UBR4: variants seen among roughly 807,000 people sequenced by gnomAD.
UBR4 encodes the protein E3 ubiquitin-protein ligase UBR4.
UBR4 carries 124 observed loss-of-function variants against 575.6 expected under a neutral mutation model. The observed-to-expected ratio is 0.22, with a 90% CI of 0.19 to 0.25. The LOEUF (loss-of-function observed/expected upper bound fraction) is 0.25, where lower values mean the gene tolerates loss of function less well. Among genes scored for constraint, UBR4 ranks in the 10% least tolerant of loss-of-function variants. The pLI, the probability that UBR4 is intolerant of heterozygous loss-of-function variation, is 1.00. For synonymous variants in UBR4, 2,455 were observed against 2,473.7 expected, an observed-to-expected ratio of 0.99 and a Z score of 0.22; for missense variants, 4,818 against 6,478.8, an observed-to-expected ratio of 0.74 and a Z score of 8.80.
chr1:19,151,629 G>A lies in UBR4; in HGVS notation c.7213+14C>T, dbSNP rs2085736089. 2 of 1,613,736 alleles carry A rather than the reference G, an allele frequency of 1.2e-6. No individual in the cohort carries two copies. Among genetic ancestry groups the A allele is most frequent in the Non-Finnish European group, 1.7e-6 (2 of 1,179,620 alleles). On this transcript the variant is annotated intron_variant, in intron 48 of 105. Coordinates refer to ENST00000375254, the MANE Select transcript of UBR4 (RefSeq NM_020765.3). ...CAATGAGGACAGAGTCTGCACCAGG[G>A]GTTGGTGACTCACTGAAGAGGTTCA...
chr1:19,102,353 A>G (rs796186785), intron 87 of UBR4, among the ~76,000 whole-genome samples: 33 of 152,192 alleles, frequency 2.2e-4, no homozygotes, highest in African/African-American at 7.9e-4. Flanking sequence ...TGACAGAGTG[A>G]AACTTCGGGA....
chr1:19,119,100 T>A (rs1008036496), intron 70 of UBR4, 143 bp from the exon 71 acceptor site: 70 of 697,760 alleles, frequency 1.0e-4, no homozygotes, highest in Non-Finnish European at 1.6e-4. Context: ...CTGGGCCTAA[T>A]TTCAATCATT....
rs758929243 is a variant in UBR4, at chr1:19,165,687, G to C, written c.4180C>G (p.Arg1394Gly). The change falls in exon 30 of 106, where the codon CGT (arginine) becomes GGT (glycine). Residue 1394 changes from arginine (R) to glycine (G), a missense_variant. This residue lies in a region of UBR4 where 1,172 missense variants were observed against 1,259.7 expected (regional missense o/e 0.93). Transcript: ENST00000375254. Reference protein sequence around the residue: ...LEKQLESSQARKAMEEFFSDS... With the variant: ...LEKQLESSQAGKAMEEFFSDS... ...GAGAAAAACTCCTCCATAGCTTTACGAGCCTGGCTACTTTCCAGCTGCTTT... is the reference window on the plus strand; with the variant it reads ...GAGAAAAACTCCTCCATAGCTTTACCAGCCTGGCTACTTTCCAGCTGCTTT... 6.2e-7 allele frequency: 1 copy of C among 1,614,074 alleles called. No individual in the cohort carries two copies. Among genetic ancestry groups the C allele is most frequent in the South Asian group, 1.1e-5 (1 of 91,080 alleles).
rs926479943 is a variant in UBR4, at chr1:19,161,119, C to T, written c.5204G>A (p.Gly1735Asp). The T allele has an allele frequency of 6.2e-7, 1 of 1,613,944 alleles. No individual in the cohort carries two copies. The highest frequency in any genetic ancestry group is 1.7e-5 in the Admixed American group (1 of 60,002). The change falls in exon 38 of 106, where the codon GGC becomes GAC. Residue 1735 changes from glycine to aspartate, a missense_variant. Physicochemically the swap from Gly to Asp is moderately conservative, Grantham distance 94 (BLOSUM62 -1). Coordinates refer to ENST00000375254, the MANE Select transcript of UBR4 (RefSeq NM_020765.3). Reference protein sequence around the residue: ...LALVKRTPSSGMSSTMKESAF... With the variant: ...LALVKRTPSSDMSSTMKESAF... ...CGACTCCTTCATGGTAGAGCTCATG[C>T]CACTGCTAGGAGTTCTCTTCACCAG...
chr1:19,114,090 G>A lies in UBR4; in HGVS notation c.11203-20C>T. 1 of 1,603,490 alleles carries A rather than the reference G, an allele frequency of 6.2e-7. No homozygotes were observed. Among genetic ancestry groups the A allele is most frequent in the Non-Finnish European group, 8.5e-7 (1 of 1,171,420 alleles). ...TACAGCCTAGACAGGAAAAGACAGG[G>A]ACTGAGTGAAGGCTTTTTGGCTGAT... On this transcript the variant is annotated intron_variant, in intron 75 of 105. Transcript: ENST00000375254.
chr1:19,130,807 C>A (rs941512553), intron 60 of UBR4, among the ~76,000 whole-genome samples: 1 of 152,198 alleles, frequency 6.6e-6, no homozygotes, highest in Non-Finnish European at 1.5e-5. Context: ...GGAGAACATA[C>A]AAGTGAATAC....
In UBR4 at chr1:19,179,127, G is replaced by A; in HGVS notation, c.2278C>T (p.Leu760Phe). The A allele has an allele frequency of 6.2e-7, 1 of 1,613,982 alleles. No homozygotes were observed. Among genetic ancestry groups the A allele is most frequent in the Non-Finnish European group, 8.5e-7 (1 of 1,179,968 alleles). The change falls in exon 18 of 106, where the codon CTC (leucine) becomes TTC (phenylalanine). Residue 760 changes from leucine (L) to phenylalanine (F), a missense_variant. This residue lies in a region of UBR4 where 1,172 missense variants were observed against 1,259.7 expected (regional missense o/e 0.93). Coordinates refer to ENST00000375254, the MANE Select transcript of UBR4 (RefSeq NM_020765.3). ...GCTTTATGTTGCCAGATGAGCAGGAGGCGTGAAAGCACAGAGAGGCTTTGA... is the reference window on the plus strand; with the variant it reads ...GCTTTATGTTGCCAGATGAGCAGGAAGCGTGAAAGCACAGAGAGGCTTTGA... ...HPQSLSVLSRLLLIWQHKASA... is the reference protein window; with the variant it reads ...HPQSLSVLSRFLLIWQHKASA...
intron 25 of UBR4, among the ~76,000 whole-genome samples, chr1:19,171,545 CATAAAGCCCACAGAGCT>C (rs2150888605): frequency 6.6e-6 from 1 of 152,238 alleles, no homozygotes; most frequent in South Asian, 2.1e-4. Flanking sequence ...TTTAAAGCAG[CATAAAGCCCACAGAGCT>C]GGGCACGGTG....
intron 84 of UBR4, 81 bp downstream of exon 84, chr1:19,105,652 T>A: frequency 1.8e-6 from 2 of 1,106,772 alleles, no homozygotes; most frequent in Non-Finnish European, 2.5e-6. Flanking sequence ...CTCATTACCC[T>A]GATCCATGGA....
chr1:19,145,998 G>GT, intron 52 of UBR4, 65 bp from the exon 53 acceptor site: 1 of 1,612,182 alleles, frequency 6.2e-7, no homozygotes, highest in Non-Finnish European at 8.5e-7. Context: ...TTGTTTTAAG[G>GT]TTAACTCAGG....
chr1:19,182,255 G>A (rs1473740392), intron 17 of UBR4, among the ~76,000 whole-genome samples: 1 of 152,136 alleles, frequency 6.6e-6, no homozygotes, highest in African/African-American at 2.4e-5. Context: ...ATACTGCTAT[G>A]AACATGGGTG....
In UBR4 at chr1:19,110,499, G is replaced by A. The variant is rs1214815703; in HGVS notation, c.11893-35C>T. On this transcript the variant is annotated intron_variant, in intron 79 of 105. Transcript: ENST00000375254. This position sits in a 1 kb window ranked among gnomAD's most constrained non-coding sequence, Gnocchi z 4.5. ...AATGGGAAGAGACATGAGTCAAGAGGGTCAGCTCCGGTCCAGCGACTCTTA... is the reference window on the plus strand; with the variant it reads ...AATGGGAAGAGACATGAGTCAAGAGAGTCAGCTCCGGTCCAGCGACTCTTA... 1 of 1,598,338 alleles carries A rather than the reference G, an allele frequency of 6.3e-7. No homozygotes were observed. The highest frequency in any genetic ancestry group is 2.2e-5 in the East Asian group (1 of 44,786).
chr1:19,126,790 C>T, intron 63 of UBR4, 135 bp from the exon 64 acceptor site: 2 of 908,526 alleles, frequency 2.2e-6, no homozygotes, highest in Admixed American at 2.8e-5. Flanking sequence ...CAGGCTCTTG[C>T]ACTGAAACTT....
Position 19,187,494 on chromosome 1 carries a change from T to G in UBR4, c.1441A>C (p.Ile481Leu). 1 of 1,613,904 alleles carries G rather than the reference T, an allele frequency of 6.2e-7. No homozygotes were observed. Among genetic ancestry groups the G allele is most frequent in the South Asian group, 1.1e-5 (1 of 91,080 alleles). The change falls in exon 12 of 106, where the codon ATC becomes CTC. Residue 481 changes from isoleucine to leucine, a missense_variant. Coordinates refer to ENST00000375254, the MANE Select transcript of UBR4 (RefSeq NM_020765.3). ...VLSVILANHA[I>L]KLLTSLFQDL... is the part of the protein sequence containing the mutation. ...TGAAAGAGAGACGTTAGCAGTTTGA[T>G]GGCATGGTTTGCCAATATTACTGAG...
intron 105 of UBR4, among the ~76,000 whole-genome samples, chr1:19,076,098 A>C (rs1481830721): frequency 1.8e-4 from 27 of 152,178 alleles, no homozygotes; most frequent in Admixed American, 1.8e-3. Context: ...CCCTGCTGTC[A>C]CTTGGTGCTT....
intron 60 of UBR4, among the ~76,000 whole-genome samples, chr1:19,131,837 C>T (rs1570886632): frequency 6.6e-6 from 1 of 152,338 alleles, no homozygotes; most frequent in African/African-American, 2.4e-5. Flanking sequence ...CATGCCAATG[C>T]ACTCCAGCCT....
intron 11 of UBR4, among the ~76,000 whole-genome samples, chr1:19,187,921 AC>A (rs2091702703): frequency 6.6e-6 from 1 of 151,958 alleles, no homozygotes; most frequent in South Asian, 2.1e-4. Context: ...TTAAAAAGTT[AC>A]CCAGGCATGG....
At chr1:19,076,958 C>T in intron 104 of UBR4, 56 bp from the exon 105 acceptor site, 2 of 1,513,312 alleles carry the variant, frequency 1.3e-6, no homozygotes, top group South Asian at 1.3e-5. Context: ...GCCTCATCTT[C>T]CGCCTCAAGT....
Position 19,148,463 on chromosome 1 carries a change from T to C in UBR4, c.7494+100A>G, listed in dbSNP as rs2085175766. ...TCTTAGCAAATCAAGATTATGCTAC[T>C]ATAAATGTTCTTTAGCTTCGAGGCC... On this transcript the variant is annotated intron_variant, in intron 50 of 105. Coordinates refer to ENST00000375254, the MANE Select transcript of UBR4 (RefSeq NM_020765.3). The C allele has an allele frequency of 4.2e-6, 6 of 1,424,170 alleles. No homozygotes were observed. The South Asian group carries it at 4.7e-5, about 11-fold the overall frequency. 88.2% of individuals were successfully genotyped at this position (1,424,170 alleles called of 1,614,324 possible).
Sources: allele counts gnomAD v4.1 joint callset (sites outside exome capture counted in the v4.1 genomes callset), GRCh38; gene constraint gnomAD v4.1.1; regional missense constraint gnomAD v4.1.1; non-coding constraint Gnocchi (gnomAD v3.1); transcripts MANE v1.5; gene names NCBI Gene and HGNC (gene_info 2026-07-23, HGNC 2026-07-21).